GLUL: variants seen among roughly 807,000 people sequenced by gnomAD.
GLUL encodes the protein glutamine synthetase.
In GLUL, 8 loss-of-function variants were observed where a neutral mutation model predicts 36.9. That is an observed-to-expected ratio of 0.22 (90% CI 0.13 to 0.39). The LOEUF (loss-of-function observed/expected upper bound fraction) is 0.39, where lower values mean the gene tolerates loss of function less well. Among genes scored for constraint, GLUL ranks in the 10% least tolerant of loss-of-function variants. The pLI is 1.00. For synonymous variants in GLUL, 182 were observed against 172.8 expected (o/e 1.05, Z -0.42); for missense variants, 315 against 501.8 (o/e 0.63, Z 3.56).
chr1:182,388,812 T>C (rs1432970376), intron 1 of GLUL, 62 bp from the exon 2 acceptor site: 6 of 1,333,148 alleles, frequency 4.5e-6, no homozygotes, highest in Middle Eastern at 2.1e-4. Flanking sequence ...CCTGCAAAAA[T>C]GGCTCAAGAA....
In GLUL at chr1:182,378,741, T is replaced by C. The variant is rs1382404629; in HGVS notation, c.*5664A>G. ...ATATGGTATACATTTATATTATGCA[T>C]GTGTATGGACATATATCTGCATATT... On this transcript the variant is annotated 3_prime_UTR_variant, in exon 7 of 7. Coordinates refer to ENST00000331872, the MANE Select transcript of GLUL (RefSeq NM_001033044.4). 6.6e-6 allele frequency among the ~76,000 whole-genome samples: 1 copy of C among 152,230 alleles called. No individual in the cohort carries two copies. The highest frequency in any genetic ancestry group is 1.5e-5 in the Non-Finnish European group (1 of 68,036).
rs116513736 is a variant in GLUL, at chr1:182,386,948, T to G, written c.328+183A>C. ...TTTATGCAACCAACAGAGAAGACCATAGAAAGATGGGCCATATTATCTCTT... is the reference window on the plus strand; with the variant it reads ...TTTATGCAACCAACAGAGAAGACCAGAGAAAGATGGGCCATATTATCTCTT... On this transcript the variant is annotated intron_variant, in intron 3 of 6. Transcript: ENST00000331872. 7.5e-6 allele frequency: 5 copies of G among 664,524 alleles called. No individual in the cohort carries two copies. In the African/African-American group the frequency reaches 9.0e-5, roughly 12 times the overall value. The allele number at this position is 664,524 out of a possible 1,614,324, so 41.2% of individuals were successfully genotyped here.
In GLUL at chr1:182,384,853, G is replaced by A. The variant is rs930926429; in HGVS notation, c.804-130C>T. 28 of 740,860 alleles carry A rather than the reference G, an allele frequency of 3.8e-5. No individual in the cohort carries two copies. In the East Asian group the frequency reaches 6.9e-4, roughly 18 times the overall value. The allele number at this position is 740,860 out of a possible 1,614,324, so 45.9% of individuals were successfully genotyped here. ...GCAGTGGCTGCATCTTCTTACCTGTGTGTCTCAGTGGTGAGAACAGTGCCC... is the reference window on the plus strand; with the variant it reads ...GCAGTGGCTGCATCTTCTTACCTGTATGTCTCAGTGGTGAGAACAGTGCCC... On this transcript the variant is annotated intron_variant, in intron 6 of 6. Transcript: ENST00000331872.
Position 182,378,756 on chromosome 1 carries a change from A to T in GLUL, c.*5649T>A, listed in dbSNP as rs577793750. ...ATATTATGCATGTGTATGGACATAT[A>T]TCTGCATATTGTAAAATGAAATAGA... On this transcript the variant is annotated 3_prime_UTR_variant, in exon 7 of 7. Coordinates refer to ENST00000331872, the MANE Select transcript of GLUL (RefSeq NM_001033044.4). Among the ~76,000 whole-genome samples the T allele has an allele frequency of 6.6e-6, 1 of 152,322 alleles. No individual in the cohort carries two copies. The highest frequency in any genetic ancestry group is 1.5e-5 in the Non-Finnish European group (1 of 68,026).
intron 4 of GLUL, 122 bp from the exon 5 acceptor site, chr1:182,386,009 G>A (rs923728972): frequency 1.1e-5 from 12 of 1,073,592 alleles, no homozygotes; most frequent in Non-Finnish European, 1.6e-5. Flanking sequence ...ATCTGCAGGT[G>A]CGGGGCAGGG....
intron 1 of GLUL, chr1:182,390,187 T>G (rs1439288696): frequency 4.9e-6 from 1 of 203,440 alleles, no homozygotes; most frequent in African/African-American, 2.3e-5. Flanking sequence ...ATTGCACCAC[T>G]GCACTCCAAC....
chr1:182,385,849 C>T lies in GLUL; in HGVS notation c.514G>A (p.Gly172Ser). ...TAATGGGCCTCCACGATGTCCCTGC[C>T]ATAGGCTCTGTCTGCTCCCACACCA... Reference protein sequence around the residue: ...YCGVGADRAYGRDIVEAHYRA... With the variant: ...YCGVGADRAYSRDIVEAHYRA... Residue 172 changes from glycine (G) to serine (S), a missense_variant, in exon 5 of 7, where the codon GGC becomes AGC. Gly to Ser is a moderately conservative substitution (Grantham distance 56). Coordinates refer to ENST00000331872, the MANE Select transcript of GLUL (RefSeq NM_001033044.4). 1 of 1,613,830 alleles carries T rather than the reference C, an allele frequency of 6.2e-7. No individual in the cohort carries two copies. Among genetic ancestry groups the T allele is most frequent in the Non-Finnish European group, 8.5e-7 (1 of 1,179,696 alleles).
chr1:182,379,249 G>C lies in GLUL; in HGVS notation c.*5156C>G, dbSNP rs995502659. Among the ~76,000 whole-genome samples the C allele has an allele frequency of 6.6e-6, 1 of 152,040 alleles. No individual in the cohort carries two copies. The highest frequency in any genetic ancestry group is 2.4e-5 in the African/African-American group (1 of 41,384). ...TATTTATTTGTTTATTTTTTGATAT[G>C]TCTCACTCTTTTGCCCAGGCTGGAG... On this transcript the variant is annotated 3_prime_UTR_variant, in exon 7 of 7. Coordinates refer to ENST00000331872, the MANE Select transcript of GLUL (RefSeq NM_001033044.4).
Position 182,380,198 on chromosome 1 carries a change from GA to G in GLUL, c.*4206del, listed in dbSNP as rs1284041838. On this transcript the variant is annotated 3_prime_UTR_variant, in exon 7 of 7. Transcript: ENST00000331872. ...GCTCTTGGTAGCCTGATTACAATGA[GA>G]ATTAATTAAGTACACTATTTTCCAC... 7.2e-5 allele frequency among the ~76,000 whole-genome samples: 11 copies of G among 152,172 alleles called. No homozygotes were observed. The highest frequency in any genetic ancestry group is 2.7e-4 in the African/African-American group (11 of 41,430).
chr1:182,389,135 A>G, intron 1 of GLUL: 1 of 309,814 alleles, frequency 3.2e-6, no homozygotes, highest in Non-Finnish European at 6.3e-6. Context: ...ACTAAGGTCT[A>G]TTCCTTCAGT....
intron 3 of GLUL, 53 bp downstream of exon 3, chr1:182,387,078 T>C (rs748431581): frequency 7.2e-7 from 1 of 1,386,334 alleles, no homozygotes; most frequent in African/African-American, 1.4e-5. Flanking sequence ...CTCCCTCCCC[T>C]TCACAGCATT....
chr1:182,390,682 T>C lies in GLUL; in HGVS notation c.-14+997A>G, dbSNP rs187277313. On this transcript the variant is annotated intron_variant, in intron 1 of 6. Transcript: ENST00000331872. ...CCCGGGGGGTGTCCGAACAGGCAGGTTGGTGGGTTAAGGTCTTAATCTTGA... is the reference window on the plus strand; with the variant it reads ...CCCGGGGGGTGTCCGAACAGGCAGGCTGGTGGGTTAAGGTCTTAATCTTGA... 285 of 398,544 alleles carry C rather than the reference T, an allele frequency of 7.2e-4. 1 individual carries two copies. Among genetic ancestry groups the C allele is most frequent in the Admixed American group, 1.3e-3 (30 of 22,684 alleles). The allele number at this position is 398,544 out of a possible 1,614,324, so 24.7% of individuals were successfully genotyped here.
At chr1:182,388,443 A>G in intron 2 of GLUL, 129 bp downstream of exon 2, 1 of 811,944 alleles carries the variant, frequency 1.2e-6, no homozygotes, top group Non-Finnish European at 2.1e-6. Context: ...TAAAGTCTGA[A>G]AAGCCCTGCC....
chr1:182,391,632 G>C (rs1650423251), intron 1 of GLUL, 47 bp downstream of exon 1: 1 of 162,772 alleles, frequency 6.1e-6, no homozygotes, highest in Non-Finnish European at 1.3e-5. Flanking sequence ...GGGGTAGCAG[G>C]GGCGGCGCGC....
rs975739899 is a variant in GLUL at position 182,381,454 on chromosome 1, A to T, written c.*2951T>A. ...CCTTAAGGTTGAAAGCTTGGTCATT[A>T]TTCTGTTTAATCTATCACTGATAAA... On this transcript the variant is annotated 3_prime_UTR_variant, in exon 7 of 7. Coordinates refer to ENST00000331872, the MANE Select transcript of GLUL (RefSeq NM_001033044.4). 6.6e-6 allele frequency among the ~76,000 whole-genome samples: 1 copy of T among 152,186 alleles called. No individual in the cohort carries two copies. Among genetic ancestry groups the T allele is most frequent in the African/African-American group, 2.4e-5 (1 of 41,448 alleles).
At chr1:182,389,147 T>A (rs1343445364) in intron 1 of GLUL, 1 of 282,492 alleles carries the variant, frequency 3.5e-6, no homozygotes, top group African/African-American at 2.2e-5. Context: ...TCCTTCAGTG[T>A]AGCTGAGGTT....
intron 6 of GLUL, 115 bp downstream of exon 6, chr1:182,385,240 CTT>C (rs1650121315): frequency 8.7e-6 from 7 of 806,734 alleles, no homozygotes; most frequent in South Asian, 7.1e-5. Flanking sequence ...GTTTACTCAT[CTT>C]TGGCAAATAT....
In GLUL at chr1:182,390,789, CGTT is replaced by C. The variant is rs148495644; in HGVS notation, c.-14+887_-14+889del. On this transcript the variant is annotated intron_variant, in intron 1 of 6. Transcript: ENST00000331872. ...CGCGACCCGGAGGAGTCTGACTTCT[CGTT>C]GTCTTCATAATTTTCATTCGTTGCT... 6.0e-3 allele frequency: 2,380 copies of C among 399,166 alleles called. 13 individuals carry two copies. Among genetic ancestry groups the C allele is most frequent in the Non-Finnish European group, 8.2e-3 (1,854 of 226,170 alleles). 24.7% of individuals were successfully genotyped at this position (399,166 alleles called of 1,614,324 possible).
intron 5 of GLUL, 81 bp downstream of exon 5, chr1:182,385,679 G>A: frequency 6.4e-7 from 1 of 1,566,396 alleles, no homozygotes; most frequent in South Asian, 1.1e-5. Flanking sequence ...TTAGTGAGTG[G>A]TGTATCAGCA....
Sources: allele counts gnomAD v4.1 joint callset (sites outside exome capture counted in the v4.1 genomes callset), GRCh38; gene constraint gnomAD v4.1.1; transcripts MANE v1.5; gene names NCBI Gene and HGNC (gene_info 2026-07-23, HGNC 2026-07-21).